Variants in MTPAP observed in about 807,000 individuals in gnomAD.
MTPAP encodes the protein mitochondrial poly(A) polymerase.
A neutral mutation model predicts 48.7 loss-of-function variants in MTPAP; 23 were observed. That is an observed-to-expected ratio of 0.47 (90% confidence interval 0.34 to 0.67). The LOEUF is 0.67. MTPAP is among the 30% of genes least tolerant of loss of function. The pLI is 0.01. For synonymous variants in MTPAP, 257 were observed against 254.1 expected (o/e 1.01, Z -0.11); for missense variants, 614 against 694.3 (o/e 0.88, Z 1.30).
rs770158565 is a variant in MTPAP, at chr10:30,340,453, A to T, written c.331-3T>A. The T allele has an allele frequency of 1.6e-5, 25 of 1,608,018 alleles. No homozygotes were observed. The highest frequency in any genetic ancestry group is 2.0e-5 in the Non-Finnish European group (24 of 1,174,392). ...AATTCTACGACAGCATAGAGACCCT[A>T]TACCAAAAACATAAGAAAAAACAGA... On this transcript the variant is annotated splice_region_variant and splice_polypyrimidine_tract_variant and intron_variant, in intron 2 of 8. Coordinates refer to ENST00000263063, the MANE Select transcript of MTPAP (RefSeq NM_018109.4).
chr10:30,323,278 C>G (rs1390992513), intron 5 of MTPAP, among the ~76,000 whole-genome samples: 6 of 150,566 alleles, frequency 4.0e-5, no homozygotes, highest in Non-Finnish European at 5.9e-5. Flanking sequence ...ATGGTGAAAC[C>G]CTGTCTTAAA....
chr10:30,328,863 G>A (rs529378356), intron 4 of MTPAP, among the ~76,000 whole-genome samples: 9 of 152,272 alleles, frequency 5.9e-5, no homozygotes, highest in African/African-American at 1.7e-4. Context: ...AGGGAGGAAG[G>A]AGTTAAGGAC....
At chr10:30,328,498 G>A (rs1300491439) in intron 4 of MTPAP, among the ~76,000 whole-genome samples, 1 of 152,212 alleles carries the variant, frequency 6.6e-6, no homozygotes, top group East Asian at 1.9e-4. Context: ...ACTCACTGCA[G>A]TACTATCCAT....
chr10:30,340,518 T>C (rs1210595379), intron 2 of MTPAP, 68 bp from the exon 3 acceptor site: 22 of 1,109,816 alleles, frequency 2.0e-5, no homozygotes, highest in Non-Finnish European at 4.2e-6. Flanking sequence ...TTTTAGCTCA[T>C]ATATTAAAAC....
At chr10:30,323,563 G>A (rs1398283731) in intron 5 of MTPAP, among the ~76,000 whole-genome samples, 2 of 151,914 alleles carry the variant, frequency 1.3e-5, no homozygotes, top group Admixed American at 6.6e-5. Context: ...AGGCTAGAGC[G>A]CAATGGCGCG....
At position 30,310,622 on chromosome 10, in the gene MTPAP, GTGGCTCACACCTGTAACC is replaced by G. The variant is rs1322546855; in HGVS notation, c.*2969_*2986del. The G allele has an allele frequency of 6.7e-6, 1 of 149,260 alleles. No homozygotes were observed. The highest frequency in any genetic ancestry group is 1.5e-5 in the Non-Finnish European group (1 of 67,802). 9.2% of individuals were successfully genotyped at this position (149,260 alleles called of 1,614,324 possible). ...AAAGGGTCTTTGTAGGCCAGGTGCG[GTGGCTCACACCTGTAACC>G]TGTAATCCCAGCACTTTGAGAGGCT... On this transcript the variant is annotated 3_prime_UTR_variant, in exon 9 of 9. Coordinates refer to ENST00000263063, the MANE Select transcript of MTPAP (RefSeq NM_018109.4).
chr10:30,319,475 C>A (rs1368347542), intron 6 of MTPAP, among the ~76,000 whole-genome samples: 1 of 152,168 alleles, frequency 6.6e-6, no homozygotes, highest in Non-Finnish European at 1.5e-5. Context: ...AGGTCACTTA[C>A]ATGATTAAAC....
At chr10:30,342,235 CA>C (rs966840266) in intron 1 of MTPAP, among the ~76,000 whole-genome samples, 3 of 151,034 alleles carry the variant, frequency 2.0e-5, no homozygotes, top group African/African-American at 4.8e-5. Context: ...GACTCTGTCT[CA>C]AAAAAAAGAG....
chr10:30,315,964 T>G lies in MTPAP; in HGVS notation c.1385A>C (p.Gln462Pro), dbSNP rs745622309. ...AFDKNSINIRQGREQNKPDSS... is the reference protein window; with the variant it reads ...AFDKNSINIRPGREQNKPDSS... Reference sequence around the variant, plus strand: ...ACTAAATAGTAAAACATTATTTACCTGTCGAATATTTATGGAATTTTTATC... The same window carrying G: ...ACTAAATAGTAAAACATTATTTACCGGTCGAATATTTATGGAATTTTTATC... The change falls in exon 8 of 9, where the codon CAG becomes CCG. Residue 462 changes from glutamine (Q) to proline (P), a missense_variant and splice_region_variant. This residue lies in a region of MTPAP where 261 missense variants were observed against 355.4 expected (regional missense o/e 0.73). Transcript: ENST00000263063. 1 of 1,588,648 alleles carries G rather than the reference T, an allele frequency of 6.3e-7. No homozygotes were observed. Among genetic ancestry groups the G allele is most frequent in the Non-Finnish European group, 8.6e-7 (1 of 1,160,722 alleles).
intron 8 of MTPAP, among the ~76,000 whole-genome samples, chr10:30,315,514 AC>A (rs66776711): frequency 0.016 from 2,389 of 145,700 alleles, 117 homozygotes; most frequent in East Asian, 0.16. Context: ...AAAAAAAAAA[AC>A]AAAACAAAAC....
At chr10:30,338,899 G>A (rs939888675) in intron 3 of MTPAP, among the ~76,000 whole-genome samples, 19 of 151,728 alleles carry the variant, frequency 1.3e-4, no homozygotes, top group Non-Finnish European at 2.7e-4. Flanking sequence ...CAAGGCGGGC[G>A]GATCACAAGG....
At chr10:30,324,990 C>CAAAAAAA (rs58151057) in intron 5 of MTPAP, among the ~76,000 whole-genome samples, 1 of 123,012 alleles carries the variant, frequency 8.1e-6, no homozygotes, top group Admixed American at 8.9e-5. Flanking sequence ...GACTATGTCT[C>CAAAAAAA]AAAAAAAAAA....
In MTPAP at chr10:30,328,780, A is replaced by C. The variant is rs1176223688; in HGVS notation, c.781-2145T>G. Among the ~76,000 whole-genome samples the C allele has an allele frequency of 3.3e-5, 5 of 152,270 alleles. No individual in the cohort carries two copies. The East Asian group carries it at 9.7e-4, about 29-fold the overall frequency. On this transcript the variant is annotated intron_variant, in intron 4 of 8. Coordinates refer to ENST00000263063, the MANE Select transcript of MTPAP (RefSeq NM_018109.4). ...GGTTCAGAGGCAACCATGTGGCTAA[A>C]ATATCTAACTCAGAAGCTTTGGGGC...
chr10:30,342,762 C>T (rs1377163254), intron 1 of MTPAP, among the ~76,000 whole-genome samples: 1 of 152,094 alleles, frequency 6.6e-6, no homozygotes, highest in Non-Finnish European at 1.5e-5. Context: ...AAACAATTAA[C>T]AGTGAGTTAC....
chr10:30,315,502 C>CAAAAA (rs72362075), intron 8 of MTPAP, among the ~76,000 whole-genome samples: 10 of 127,186 alleles, frequency 7.9e-5, no homozygotes, highest in African/African-American at 1.1e-4. Context: ...TTCATTTGCT[C>CAAAAA]AAAAAAAAAA....
intron 8 of MTPAP, among the ~76,000 whole-genome samples, chr10:30,314,649 G>A (rs1418227743): frequency 6.6e-6 from 1 of 151,940 alleles, no homozygotes; most frequent in Non-Finnish European, 1.5e-5. Flanking sequence ...GAGGCAGGTG[G>A]AACACCTGAG....
intron 4 of MTPAP, among the ~76,000 whole-genome samples, chr10:30,329,482 C>T (rs1834639424): frequency 6.6e-6 from 1 of 152,096 alleles, no homozygotes; most frequent in Admixed American, 6.5e-5. Flanking sequence ...GATCCTCCCG[C>T]TGCAGCCTCC....
chr10:30,326,914 A>C (rs1834604224), intron 4 of MTPAP, among the ~76,000 whole-genome samples: 2 of 152,200 alleles, frequency 1.3e-5, no homozygotes, highest in African/African-American at 4.8e-5. Flanking sequence ...GTATAAAATG[A>C]ATCATAAATA....
At chr10:30,317,862 A>AC (rs1554817182) in intron 6 of MTPAP, among the ~76,000 whole-genome samples, 1 of 150,050 alleles carries the variant, frequency 6.7e-6, no homozygotes, top group East Asian at 1.9e-4. Context: ...TGATATTTTA[A>AC]TTTTTTTTTT....
Sources: gnomAD v4.1 joint callset for allele counts (sites outside exome capture counted in the v4.1 genomes callset) on GRCh38, gnomAD v4.1.1 for gene constraint, gnomAD v4.1.1 regional missense constraint, MANE v1.5 for transcripts, NCBI Gene and HGNC (gene_info 2026-07-23, HGNC 2026-07-21) for gene names.